MEF2A: variants seen among roughly 807,000 people sequenced by gnomAD.
MEF2A encodes myocyte-specific enhancer factor 2A.
A neutral mutation model predicts 55.8 loss-of-function variants in MEF2A; 28 were observed. The ratio of observed to expected loss-of-function variants is 0.50; its 90% CI spans 0.37 to 0.69. The LOEUF (loss-of-function observed/expected upper bound fraction) is 0.69, where lower values mean the gene tolerates loss of function less well. Among genes scored for constraint, MEF2A ranks in the 30% least tolerant of loss-of-function variants. The pLI, the probability that MEF2A is intolerant of heterozygous loss-of-function variation, is 0.00. For missense variants in MEF2A, 528 were observed against 626.2 expected (o/e 0.84, Z 1.67); for synonymous variants, 239 against 227.1 (o/e 1.05, Z -0.47).
At chr15:99,598,004 T>C (rs2153041105) in intron 1 of MEF2A, among the ~76,000 whole-genome samples, 1 of 152,326 alleles carries the variant, frequency 6.6e-6, no homozygotes. Flanking sequence ...TATTTCACAA[T>C]TTTCTTGATG....
intron 1 of MEF2A, among the ~76,000 whole-genome samples, chr15:99,569,883 A>G (rs999497160): frequency 6.6e-6 from 1 of 152,032 alleles, no homozygotes; most frequent in Non-Finnish European, 1.5e-5. Context: ...TGTGCCTTAT[A>G]ATAAATGGAC....
chr15:99,703,264 C>A, intron 8 of MEF2A, 98 bp from the exon 9 acceptor site: 1 of 1,114,074 alleles, frequency 9.0e-7, no homozygotes. Context: ...TTCCAGACAG[C>A]TGCTAGTGTC....
chr15:99,673,987 ATT>A (rs2051393802), intron 5 of MEF2A, among the ~76,000 whole-genome samples: 1 of 152,000 alleles, frequency 6.6e-6, no homozygotes, highest in Non-Finnish European at 1.5e-5. Context: ...CTTCCGTTAT[ATT>A]TGGGATCTCT....
At chr15:99,709,511 A>G (rs1406718831) in intron 10 of MEF2A, among the ~76,000 whole-genome samples, 1 of 152,250 alleles carries the variant, frequency 6.6e-6, no homozygotes, top group East Asian at 1.9e-4. Flanking sequence ...ATGGGAGTGT[A>G]TAGAATGACA....
intron 4 of MEF2A, among the ~76,000 whole-genome samples, chr15:99,670,903 C>T (rs568526728): frequency 8.5e-5 from 13 of 152,286 alleles, no homozygotes; most frequent in African/African-American, 1.9e-4. Flanking sequence ...AGGAAGAATA[C>T]GTGAAGTTGC....
intron 1 of MEF2A, among the ~76,000 whole-genome samples, chr15:99,589,221 G>A (rs1334972726): frequency 6.6e-6 from 1 of 152,130 alleles, no homozygotes; most frequent in Non-Finnish European, 1.5e-5. Context: ...TTTAAATTAC[G>A]AATTTAGTTT....
At chr15:99,599,172 T>C (rs1972189247) in intron 2 of MEF2A, among the ~76,000 whole-genome samples, 2 of 152,142 alleles carry the variant, frequency 1.3e-5, no homozygotes, top group South Asian at 2.1e-4. Context: ...TCAAAAGTTT[T>C]CATGAGTGAA....
chr15:99,690,288 A>T lies in MEF2A; in HGVS notation c.718A>T (p.Thr240Ser). The change falls in exon 8 of 12, where the codon ACT becomes TCT. Residue 240 changes from threonine (T) to serine (S), a missense_variant. Thr to Ser is a moderately conservative substitution (Grantham distance 58). Around this residue, in one of 2 missense-constraint regions of MEF2A, gnomAD observed 450 missense variants for 475.3 expected, o/e 0.95. Transcript: ENST00000557942. The stretch of plus-strand genomic sequence containing the variant: ...AGCTTCTCCAAATTTGATTGGAGCT[A>T]CTGGTGCAAATAGCTTAGGCAAAGT... ...SRASPNLIGA[T>S]GANSLGKVMP... The T allele has an allele frequency of 6.2e-7, 1 of 1,613,800 alleles. No homozygotes were observed. The highest frequency in any genetic ancestry group is 8.5e-7 in the Non-Finnish European group (1 of 1,179,820).
intron 8 of MEF2A, among the ~76,000 whole-genome samples, chr15:99,693,723 T>C (rs1314104206): frequency 6.6e-6 from 1 of 152,176 alleles, no homozygotes; most frequent in Non-Finnish European, 1.5e-5. Context: ...GCAGACCTGC[T>C]CTACAAGAAA....
chr15:99,671,202 AC>A, intron 4 of MEF2A, 120 bp from the exon 5 acceptor site: 1 of 1,014,002 alleles, frequency 9.9e-7, no homozygotes, highest in Non-Finnish European at 1.4e-6. Flanking sequence ...TCATTTAGAA[AC>A]CGTTTCAGTG....
chr15:99,698,606 A>T (rs767109288), intron 8 of MEF2A, among the ~76,000 whole-genome samples: 1 of 152,100 alleles, frequency 6.6e-6, no homozygotes, highest in Non-Finnish European at 1.5e-5. Context: ...CAGCCTGATC[A>T]ACATGGAGAA....
At chr15:99,568,895 G>A (rs1960884732) in intron 1 of MEF2A, among the ~76,000 whole-genome samples, 1 of 152,168 alleles carries the variant, frequency 6.6e-6, no homozygotes. Flanking sequence ...GACACTATGA[G>A]AAAACCATTT....
intron 2 of MEF2A, among the ~76,000 whole-genome samples, chr15:99,619,125 C>T (rs538769609): frequency 3.3e-5 from 5 of 152,148 alleles, no homozygotes; most frequent in African/African-American, 1.2e-4. Context: ...TTCTTTATGT[C>T]TCTAGGGTTT....
intron 10 of MEF2A, 45 bp from the exon 11 acceptor site, chr15:99,710,589 A>G (rs748901043): frequency 1.3e-5 from 20 of 1,586,786 alleles, no homozygotes; most frequent in Admixed American, 3.4e-5. Flanking sequence ...TAGATTCCGT[A>G]TGGACCTTCC....
In MEF2A at chr15:99,631,753, A is replaced by T. The variant is rs147728998; in HGVS notation, c.-142-1225A>T. Among the ~76,000 whole-genome samples, 609 of 152,220 alleles carry T rather than the reference A, an allele frequency of 4.0e-3. 2 individuals carry two copies. Among genetic ancestry groups the T allele is most frequent in the Non-Finnish European group, 7.2e-3 (491 of 68,014 alleles). On this transcript the variant is annotated intron_variant, in intron 2 of 11. Transcript: ENST00000557942. ...TTAATAGGTTATCAGTTAATAGATG[A>T]TCAACTACTGTTTGTATCAATGAAG...
chr15:99,651,784 C>G (rs1192391593), intron 4 of MEF2A, among the ~76,000 whole-genome samples: 2 of 152,204 alleles, frequency 1.3e-5, no homozygotes, highest in Admixed American at 6.5e-5. Context: ...GTATAAGGGA[C>G]TACACGTCTC....
At chr15:99,661,569 T>G (rs933019966) in intron 4 of MEF2A, among the ~76,000 whole-genome samples, 1 of 152,084 alleles carries the variant, frequency 6.6e-6, no homozygotes, top group Admixed American at 6.6e-5. Flanking sequence ...AGTAGAAAAC[T>G]TAGCAAAGTA....
At chr15:99,667,263 C>T (rs1397434172) in intron 4 of MEF2A, among the ~76,000 whole-genome samples, 7 of 151,984 alleles carry the variant, frequency 4.6e-5, no homozygotes, top group African/African-American at 1.7e-4. Flanking sequence ...GCTCTGTCGC[C>T]CAGGCTGGAG....
intron 2 of MEF2A, among the ~76,000 whole-genome samples, chr15:99,614,002 G>A (rs547699395): frequency 5.9e-5 from 9 of 152,198 alleles, no homozygotes; most frequent in East Asian, 5.8e-4. Flanking sequence ...TGGTGATAAT[G>A]TACTGTTATG....
Sources: allele counts gnomAD v4.1 joint callset (sites outside exome capture counted in the v4.1 genomes callset), GRCh38; gene constraint gnomAD v4.1.1; regional missense constraint gnomAD v4.1.1; transcripts MANE v1.5; gene names NCBI Gene and HGNC (gene_info 2026-07-23, HGNC 2026-07-21).